OXR1: variants seen among roughly 807,000 people sequenced by gnomAD.
OXR1 encodes the protein oxidation resistance protein 1.
Under a neutral mutation model 104.6 loss-of-function variants are expected in OXR1, and 41 were observed. The ratio of observed to expected loss-of-function variants is 0.39; its 90% CI spans 0.31 to 0.51. The LOEUF (loss-of-function observed/expected upper bound fraction) is 0.51, where lower values mean the gene tolerates loss of function less well. Among genes scored for constraint, OXR1 ranks in the 20% least tolerant of loss-of-function variants. The pLI, the probability that OXR1 is intolerant of heterozygous loss-of-function variation, is 0.77. For synonymous variants in OXR1, 348 were observed against 348.4 expected (o/e 1.00, Z 0.01); for missense variants, 955 against 1,031.9 (o/e 0.93, Z 1.02).
At chr8:106,353,409 T>C (rs1383775959) in intron 1 of OXR1, among the ~76,000 whole-genome samples, 1 of 149,888 alleles carries the variant, frequency 6.7e-6, no homozygotes, top group African/African-American at 2.5e-5. Context: ...ATATAGACAA[T>C]CAATTTTCAC....
intron 2 of OXR1, among the ~76,000 whole-genome samples, chr8:106,478,533 G>T (rs902467165): frequency 6.6e-6 from 1 of 151,794 alleles, no homozygotes; most frequent in African/African-American, 2.4e-5. Context: ...TTGGCAAAGA[G>T]AGTAACTATA....
intron 3 of OXR1, among the ~76,000 whole-genome samples, chr8:106,560,539 A>G (rs1816600639): frequency 6.7e-6 from 1 of 150,064 alleles, no homozygotes; most frequent in Admixed American, 6.6e-5. Context: ...AGCATCTGTA[A>G]GACCTGGAAG....
intron 11 of OXR1, among the ~76,000 whole-genome samples, chr8:106,736,839 A>C (rs571664526): frequency 7.3e-5 from 11 of 149,830 alleles, no homozygotes; most frequent in African/African-American, 2.7e-4. Context: ...ACCATAAAGA[A>C]ATAAAACAGG....
In OXR1 at chr8:106,396,965, A is replaced by T. The variant is rs999327812; in HGVS notation, c.23+37329A>T. Among the ~76,000 whole-genome samples, 9 of 152,136 alleles carry T rather than the reference A, an allele frequency of 5.9e-5. No homozygotes were observed. The East Asian group carries it at 1.7e-3, about 29-fold the overall frequency. ...TATAATGACTTGGAACAATTCCAAG[A>T]TATATTATTAAGTGCAAGGAAAAAC... On this transcript the variant is annotated intron_variant, in intron 2 of 16. Coordinates refer to ENST00000517566, the MANE Select transcript of OXR1 (RefSeq NM_001198533.2).
At chr8:106,467,454 A>G (rs1049371591) in intron 2 of OXR1, among the ~76,000 whole-genome samples, 2 of 151,856 alleles carry the variant, frequency 1.3e-5, no homozygotes, top group African/African-American at 4.8e-5. Flanking sequence ...AAAGAGCTTT[A>G]TTCCTGGTGG....
intron 2 of OXR1, among the ~76,000 whole-genome samples, chr8:106,368,255 T>A (rs951356491): frequency 2.6e-4 from 39 of 151,936 alleles, no homozygotes; most frequent in Admixed American, 3.9e-4. Context: ...AAATAAGATA[T>A]AATAAAAAAA....
rs374254402 is a variant in OXR1, at chr8:106,649,617, G to A, written c.221-29593G>A. On this transcript the variant is annotated intron_variant, in intron 3 of 16. Coordinates refer to ENST00000517566, the MANE Select transcript of OXR1 (RefSeq NM_001198533.2). ...GAAACTTAAGACAAGATAATAACAC[G>A]TATTATCTGGTTAATGAATGCCTGT... Among the ~76,000 whole-genome samples, 301 of 150,626 alleles carry A rather than the reference G, an allele frequency of 2.0e-3. 10 individuals carry two copies. The South Asian group carries it at 0.054, about 27-fold the overall frequency.
At chr8:106,606,842 T>G (rs370495903) in intron 3 of OXR1, among the ~76,000 whole-genome samples, 2 of 152,130 alleles carry the variant, frequency 1.3e-5, no homozygotes, top group African/African-American at 4.8e-5. Flanking sequence ...TCTGCCTACC[T>G]TGTTGGAGTA....
intron 3 of OXR1, among the ~76,000 whole-genome samples, chr8:106,637,239 C>T (rs1823215981): frequency 6.6e-6 from 1 of 152,084 alleles, no homozygotes; most frequent in African/African-American, 2.4e-5. Context: ...AATAACATTT[C>T]AAGATACCTA....
At chr8:106,429,085 G>A (rs1206058594) in intron 2 of OXR1, among the ~76,000 whole-genome samples, 3 of 152,076 alleles carry the variant, frequency 2.0e-5, no homozygotes, top group Non-Finnish European at 2.9e-5. Context: ...CGAAGTTGGC[G>A]GAGGCAGGGA....
intron 2 of OXR1, among the ~76,000 whole-genome samples, chr8:106,493,084 T>G (rs1586716829): frequency 6.6e-6 from 1 of 152,290 alleles, no homozygotes; most frequent in Non-Finnish European, 1.5e-5. Context: ...ATAGTAAATT[T>G]TTCTAAAATG....
chr8:106,549,243 C>CGTTTTT (rs746990373), intron 3 of OXR1, among the ~76,000 whole-genome samples: 1 of 128,582 alleles, frequency 7.8e-6, no homozygotes, highest in Non-Finnish European at 1.7e-5. Context: ...ACATATCAAA[C>CGTTTTT]ATTTTTTTTT....
chr8:106,387,942 C>G (rs1817443825), intron 2 of OXR1, among the ~76,000 whole-genome samples: 1 of 152,126 alleles, frequency 6.6e-6, no homozygotes. Flanking sequence ...CATTAAGGAC[C>G]AGGAACCAAG....
intron 2 of OXR1, among the ~76,000 whole-genome samples, chr8:106,451,637 C>T (rs1422525427): frequency 2.0e-5 from 3 of 152,072 alleles, no homozygotes; most frequent in South Asian, 2.1e-4. Context: ...TTTGAAATAG[C>T]GCAGAGACAG....
chr8:106,459,877 C>T (rs1476477755), intron 2 of OXR1, among the ~76,000 whole-genome samples: 3 of 152,156 alleles, frequency 2.0e-5, no homozygotes. Context: ...GGTTAACTCT[C>T]ATTTTTCATC....
At chr8:106,505,077 G>A (rs1013367880) in intron 2 of OXR1, among the ~76,000 whole-genome samples, 3 of 152,150 alleles carry the variant, frequency 2.0e-5, no homozygotes, top group African/African-American at 7.2e-5. Context: ...TTAAAAATTG[G>A]TCCAGGTTAT....
At chr8:106,346,980 T>C (rs922926383) in intron 1 of OXR1, among the ~76,000 whole-genome samples, 20 of 152,278 alleles carry the variant, frequency 1.3e-4, no homozygotes, top group African/African-American at 3.9e-4. Flanking sequence ...GAGGTGGAGC[T>C]TGCAGTGAGC....
intron 3 of OXR1, among the ~76,000 whole-genome samples, chr8:106,663,291 A>T (rs1305432799): frequency 1.3e-5 from 2 of 152,218 alleles, no homozygotes; most frequent in Admixed American, 1.3e-4. Context: ...GTGTTTTCTT[A>T]GTATTTGCAA....
intron 9 of OXR1, 35 bp from the exon 10 acceptor site, chr8:106,710,587 G>T (rs776165229): frequency 5.0e-6 from 7 of 1,400,762 alleles, no homozygotes; most frequent in Non-Finnish European, 6.6e-6. Context: ...TGGTGTGTGA[G>T]AATTGAATAA....
Sources: gnomAD v4.1 joint callset for allele counts (sites outside exome capture counted in the v4.1 genomes callset) on GRCh38, gnomAD v4.1.1 for gene constraint, MANE v1.5 for transcripts, NCBI Gene and HGNC (gene_info 2026-07-23, HGNC 2026-07-21) for gene names.